The following KIF26B variants were observed in gnomAD, a reference collection of about 807,000 sequenced individuals.
KIF26B encodes kinesin-like protein KIF26B.
KIF26B carries 63 observed loss-of-function variants against 151.2 expected under a neutral mutation model. The ratio of observed to expected loss-of-function variants is 0.42; its 90% CI spans 0.34 to 0.51. The LOEUF (loss-of-function observed/expected upper bound fraction) is 0.51. Among genes scored for constraint, KIF26B ranks in the 20% least tolerant of loss-of-function variants. The pLI, the probability that KIF26B is intolerant of heterozygous loss-of-function variation, is 0.07. For synonymous variants in KIF26B, 1,357 were observed against 1,262.1 expected (o/e 1.08, Z -1.59); for missense variants, 2,813 against 2,913.6 (o/e 0.97, Z 0.79).
chr1:245,415,640 T>C (rs888538011), intron 3 of KIF26B, among the ~76,000 whole-genome samples: 1 of 152,168 alleles, frequency 6.6e-6, no homozygotes, highest in Non-Finnish European at 1.5e-5. Flanking sequence ...CAAGCCTCGC[T>C]CTTCTGTTTT....
In KIF26B at chr1:245,563,961, G is replaced by A. The variant is rs142443861; in HGVS notation, c.1350+23011G>A. On this transcript the variant is annotated intron_variant, in intron 5 of 14. Transcript: ENST00000407071. This position sits in a 1 kb window ranked among gnomAD's most constrained non-coding sequence, Gnocchi z 4.6. ...TCCATCTGTTTCTGCACTCTCTTCGGTGCATCCTCTGAACCACCAGAATTA... is the reference window on the plus strand; with the variant it reads ...TCCATCTGTTTCTGCACTCTCTTCGATGCATCCTCTGAACCACCAGAATTA... Among the ~76,000 whole-genome samples, 7 of 152,144 alleles carry A rather than the reference G, an allele frequency of 4.6e-5. No homozygotes were observed. The East Asian group carries it at 5.8e-4, about 13-fold the overall frequency.
intron 10 of KIF26B, among the ~76,000 whole-genome samples, chr1:245,674,230 T>C (rs1382421523): frequency 6.6e-6 from 1 of 152,066 alleles, no homozygotes; most frequent in Non-Finnish European, 1.5e-5. Flanking sequence ...CTGTGAAAAA[T>C]GACAGGTCTA....
chr1:245,504,032 T>C (rs1343375358), intron 4 of KIF26B, among the ~76,000 whole-genome samples: 1 of 152,182 alleles, frequency 6.6e-6, no homozygotes, highest in Admixed American at 6.5e-5. Context: ...TCGTATCCCC[T>C]AGGGGCTGCT....
At chr1:245,386,534 A>G (rs1338986801) in intron 3 of KIF26B, among the ~76,000 whole-genome samples, 4 of 151,858 alleles carry the variant, frequency 2.6e-5, no homozygotes, top group African/African-American at 9.7e-5. Context: ...GGAGAGCTAG[A>G]CATTGACCAC....
chr1:245,497,614 C>G (rs866612456), intron 4 of KIF26B, among the ~76,000 whole-genome samples: 3 of 152,186 alleles, frequency 2.0e-5, no homozygotes, highest in South Asian at 2.1e-4. Flanking sequence ...TTTTACACGT[C>G]AAGCGCTAAC....
chr1:245,446,131 G>A (rs1410213829), intron 4 of KIF26B, among the ~76,000 whole-genome samples: 1 of 152,140 alleles, frequency 6.6e-6, no homozygotes, highest in Non-Finnish European at 1.5e-5. Context: ...TCAGCTATAT[G>A]ATGTAGCGTA....
chr1:245,688,243 A>G lies in KIF26B; in HGVS notation c.5260A>G (p.Lys1754Glu). The G allele has an allele frequency of 6.3e-7, 1 of 1,591,422 alleles. No homozygotes were observed. Among genetic ancestry groups the G allele is most frequent in the Non-Finnish European group, 8.5e-7 (1 of 1,174,360 alleles). The change falls in exon 12 of 15, where the codon AAA (lysine) becomes GAA (glutamate). Residue 1754 changes from lysine (K) to glutamate (E), a missense_variant. Around this residue, in one of 3 missense-constraint regions of KIF26B, gnomAD observed 2,060 missense variants for 2,088.6 expected, o/e 0.99. Coordinates refer to ENST00000407071, the MANE Select transcript of KIF26B (RefSeq NM_018012.4). ...GCGCGGCCCGTCCGCCTCCACCACC[A>G]AAACCCTCAGCTTCTCCACCAAGTC... ...RARGPSASTT[K>E]TLSFSTKSLP...
At chr1:245,277,747 T>C (rs964999745) in intron 2 of KIF26B, among the ~76,000 whole-genome samples, 54 of 152,284 alleles carry the variant, frequency 3.5e-4, no homozygotes, top group Non-Finnish European at 1.8e-4. Context: ...AATGCTCTTC[T>C]TGGGTGCAGC....
chr1:245,401,726 T>A (rs1411264578), intron 3 of KIF26B, among the ~76,000 whole-genome samples: 1 of 152,024 alleles, frequency 6.6e-6, no homozygotes, highest in East Asian at 1.9e-4. Flanking sequence ...AAAAATTATC[T>A]GGGCGTGGTG....
At chr1:245,180,031 T>A (rs1333509952) in intron 2 of KIF26B, among the ~76,000 whole-genome samples, 1 of 152,202 alleles carries the variant, frequency 6.6e-6, no homozygotes, top group African/African-American at 2.4e-5. Context: ...AAGAGGACCA[T>A]GTCTGTGTGC....
intron 4 of KIF26B, among the ~76,000 whole-genome samples, chr1:245,510,411 C>G (rs1005383481): frequency 2.6e-5 from 4 of 152,154 alleles, no homozygotes; most frequent in Non-Finnish European, 1.5e-5. Context: ...TCAGCTTTGT[C>G]TGCACATACG....
chr1:245,525,317 GGCA>G (rs1661214829), intron 4 of KIF26B, among the ~76,000 whole-genome samples: 1 of 152,170 alleles, frequency 6.6e-6, no homozygotes, highest in Admixed American at 6.6e-5. Context: ...GCCATTTCTT[GGCA>G]GTCAGTCACG....
chr1:245,439,576 G>A (rs563808867), intron 4 of KIF26B, among the ~76,000 whole-genome samples: 3 of 152,092 alleles, frequency 2.0e-5, no homozygotes, highest in African/African-American at 4.8e-5. Context: ...AAAGTACCAC[G>A]GGAAATCTCC....
At chr1:245,472,172 C>A (rs1053799205) in intron 4 of KIF26B, among the ~76,000 whole-genome samples, 1 of 152,176 alleles carries the variant, frequency 6.6e-6, no homozygotes, top group Admixed American at 6.5e-5. Context: ...TGATGGGAAC[C>A]AGCCAGGCAA....
chr1:245,203,256 A>AAAAAAAAAGG (rs1669338306), intron 2 of KIF26B, among the ~76,000 whole-genome samples: 1 of 2,098 alleles, frequency 4.8e-4, no homozygotes, highest in Non-Finnish European at 8.5e-4. Context: ...CAAAAAAAAA[A>AAAAAAAAAGG]AAAGAAAATG....
In KIF26B at chr1:245,702,356, C is replaced by G; in HGVS notation, c.6179-102C>G. ...AAGGCAAGCGAACTAGACCTTTAGA[C>G]CAAGGGGTAGATGTGGGGGTGGCAG... On this transcript the variant is annotated intron_variant, in intron 14 of 14. Transcript: ENST00000407071. The surrounding 1 kb of genome is among the most constrained non-coding windows in gnomAD (Gnocchi z 4.1). 1.5e-6 allele frequency: 2 copies of G among 1,330,180 alleles called. No individual in the cohort carries two copies. Among genetic ancestry groups the G allele is most frequent in the Non-Finnish European group, 1.1e-6 (1 of 944,368 alleles). 82.4% of individuals were successfully genotyped at this position (1,330,180 alleles called of 1,614,324 possible). A position where few individuals can be genotyped will look rare whatever the true frequency, so the allele number is the denominator to read the frequency against.
intron 9 of KIF26B, among the ~76,000 whole-genome samples, chr1:245,624,770 A>T (rs12134897): frequency 6.6e-5 from 10 of 152,136 alleles, no homozygotes; most frequent in Non-Finnish European, 1.3e-4. Context: ...TCTTTTATGA[A>T]TCATGTTTTT....
At chr1:245,169,204 A>T (rs1365523221) in intron 2 of KIF26B, among the ~76,000 whole-genome samples, 1 of 152,064 alleles carries the variant, frequency 6.6e-6, no homozygotes, top group Non-Finnish European at 1.5e-5. Context: ...GCAGCCAGAC[A>T]CATCCAACCC....
intron 2 of KIF26B, among the ~76,000 whole-genome samples, chr1:245,323,907 A>T (rs879491274): frequency 7.6e-6 from 1 of 131,954 alleles, no homozygotes; most frequent in Admixed American, 7.4e-5. Flanking sequence ...TGGTCCTGCC[A>T]TGGGTGGATG....
Sources: allele counts gnomAD v4.1 joint callset (sites outside exome capture counted in the v4.1 genomes callset), GRCh38; gene constraint gnomAD v4.1.1; regional missense constraint gnomAD v4.1.1; non-coding constraint Gnocchi (gnomAD v3.1); transcripts MANE v1.5; gene names NCBI Gene and HGNC (gene_info 2026-07-23, HGNC 2026-07-21).